The following CSMD1 variants were observed in gnomAD, a reference collection of about 807,000 sequenced individuals.
CSMD1 encodes CUB and sushi domain-containing protein 1.
In CSMD1, 213 loss-of-function variants were observed where a neutral mutation model predicts 417.5. The ratio of observed to expected loss-of-function variants is 0.51; its 90% CI spans 0.46 to 0.57. The LOEUF is 0.57. CSMD1 is among the 20% of genes least tolerant of loss of function. The pLI, the probability that CSMD1 is intolerant of heterozygous loss-of-function variation, is 0.00. For missense variants in CSMD1, 6,923 were observed against 4,529.7 expected, an observed-to-expected ratio of 1.53 and a Z score of -15.17; for synonymous variants, 2,862 against 1,736.8, an observed-to-expected ratio of 1.65 and a Z score of -16.11.
At chr8:3,710,624 A>C (rs755064777) in intron 6 of CSMD1, among the ~76,000 whole-genome samples, 10 of 151,932 alleles carry the variant, frequency 6.6e-5, no homozygotes, top group Non-Finnish European at 1.2e-4. Context: ...GTATTCTGAC[A>C]CACCTGGAGA....
chr8:4,263,603 C>T (rs1004923669), intron 3 of CSMD1, among the ~76,000 whole-genome samples: 1 of 152,112 alleles, frequency 6.6e-6, no homozygotes, highest in Non-Finnish European at 1.5e-5. Flanking sequence ...TGACCTTCAA[C>T]AATCCAGGAA....
Position 4,160,294 on chromosome 8 carries a change from G to A in CSMD1, c.416-128195C>T, listed in dbSNP as rs536003928. 6.9e-4 allele frequency among the ~76,000 whole-genome samples: 105 copies of A among 152,102 alleles called. 1 individual carries two copies. The highest frequency in any genetic ancestry group is 2.4e-3 in the African/African-American group (100 of 41,454). On this transcript the variant is annotated intron_variant, in intron 3 of 69. Transcript: ENST00000635120. ...TGATTCTTGGAAAGTACTGAATTTA[G>A]GAAACTCTCCAGCAACAAGCATAAA... is the stretch of plus-strand genomic sequence containing the variant.
chr8:3,897,707 C>A (rs1025162646), intron 5 of CSMD1, among the ~76,000 whole-genome samples: 2 of 152,130 alleles, frequency 1.3e-5, no homozygotes, highest in Non-Finnish European at 2.9e-5. Context: ...CCCATAATCC[C>A]GTGAGGAAGC....
At chr8:3,960,780 G>C (rs549050134) in intron 5 of CSMD1, among the ~76,000 whole-genome samples, 1 of 151,684 alleles carries the variant, frequency 6.6e-6, no homozygotes, top group Non-Finnish European at 1.5e-5. Flanking sequence ...AAAAACATAT[G>C]TAGAAACTGG....
intron 6 of CSMD1, among the ~76,000 whole-genome samples, chr8:3,735,891 A>G (rs12716597): frequency 0.62 from 94,020 of 152,030 alleles, 30,697 homozygotes; most frequent in Non-Finnish European, 0.72. Context: ...ACATAGAGTT[A>G]TAAATAAAAC....
chr8:4,418,973 C>T (rs1263378621), intron 3 of CSMD1, among the ~76,000 whole-genome samples: 9 of 152,138 alleles, frequency 5.9e-5, no homozygotes, highest in Non-Finnish European at 1.0e-4. Context: ...CAAAGAGAAC[C>T]TTCTACACTG....
intron 1 of CSMD1, among the ~76,000 whole-genome samples, chr8:4,863,209 C>G (rs1802236403): frequency 6.6e-6 from 1 of 152,074 alleles, no homozygotes; most frequent in Non-Finnish European, 1.5e-5. Flanking sequence ...TTTTACTATT[C>G]ATCTCCAAAA....
At position 3,096,950 on chromosome 8, in the gene CSMD1, G is replaced by C. The variant is rs1184075199; in HGVS notation, c.7037C>G (p.Thr2346Ser). 1 of 1,554,586 alleles carries C rather than the reference G, an allele frequency of 6.4e-7. No homozygotes were observed. Among genetic ancestry groups the C allele is most frequent in the Non-Finnish European group, 8.7e-7 (1 of 1,147,650 alleles). ...TTCCACTTTAATACTCCAAGAGCAAGTCTGGGAGTTAAAATAATTACCCGG... is the reference window on the plus strand; with the variant it reads ...TTCCACTTTAATACTCCAAGAGCAACTCTGGGAGTTAAAATAATTACCCGG... ...GYPGNYFNSQ[T>S]CSWSIKVEPN... Residue 2346 changes from threonine to serine, a missense_variant, in exon 47 of 70, where the codon ACT becomes AGT. By Grantham distance (58) the Thr-to-Ser change is moderately conservative. Coordinates refer to ENST00000635120, the MANE Select transcript of CSMD1 (RefSeq NM_033225.6).
At chr8:3,680,222 C>A (rs993127529) in intron 7 of CSMD1, among the ~76,000 whole-genome samples, 1 of 152,014 alleles carries the variant, frequency 6.6e-6, no homozygotes, top group Non-Finnish European at 1.5e-5. Flanking sequence ...ACAAAAAAAC[C>A]CTTCAAAAAA....
intron 7 of CSMD1, among the ~76,000 whole-genome samples, chr8:3,699,790 G>A (rs921193339): frequency 1.3e-5 from 2 of 152,056 alleles, no homozygotes; most frequent in Non-Finnish European, 2.9e-5. Flanking sequence ...GTGAAGATGT[G>A]AAATATAAAA....
rs532022874 is a variant in CSMD1 at position 3,522,493 on chromosome 8, A to G, written c.1345-28767T>C. 5.3e-5 allele frequency among the ~76,000 whole-genome samples: 8 copies of G among 152,334 alleles called. No individual in the cohort carries two copies. In the East Asian group the frequency reaches 1.5e-3, roughly 29 times the overall value. On this transcript the variant is annotated intron_variant, in intron 10 of 69. Coordinates refer to ENST00000635120, the MANE Select transcript of CSMD1 (RefSeq NM_033225.6). ...TTTAGATGGCATAACAATTTACAAA[A>G]TATTTTGTGAGTTTTGTTTACTGGA...
At chr8:4,128,763 C>A (rs148429932) in intron 3 of CSMD1, among the ~76,000 whole-genome samples, 1 of 152,048 alleles carries the variant, frequency 6.6e-6, no homozygotes, top group East Asian at 1.9e-4. Context: ...AGCCTCACAC[C>A]CACACACCAT....
chr8:3,618,136 G>C (rs777817880), intron 7 of CSMD1, among the ~76,000 whole-genome samples: 20 of 151,908 alleles, frequency 1.3e-4, no homozygotes, highest in Non-Finnish European at 2.4e-4. Flanking sequence ...CTAATAGCTG[G>C]TAACACAGGC....
intron 41 of CSMD1, among the ~76,000 whole-genome samples, chr8:3,129,716 G>T (rs546944806): frequency 1.2e-3 from 175 of 151,408 alleles, no homozygotes; most frequent in African/African-American, 4.0e-3. Context: ...GGGCCGGGCG[G>T]GGTGGCTCAT....
At chr8:2,981,423 G>A (rs656466) in intron 54 of CSMD1, among the ~76,000 whole-genome samples, 39 of 152,012 alleles carry the variant, frequency 2.6e-4, no homozygotes, top group Non-Finnish European at 5.1e-4. Flanking sequence ...CACCTGCAGC[G>A]ACTCCAGACC....
intron 4 of CSMD1, among the ~76,000 whole-genome samples, chr8:4,003,435 T>A (rs996433390): frequency 6.6e-6 from 1 of 150,736 alleles, no homozygotes; most frequent in Non-Finnish European, 1.5e-5. Context: ...AATAAATAAA[T>A]AAATAGATAA....
intron 1 of CSMD1, among the ~76,000 whole-genome samples, chr8:4,657,296 T>C (rs748750185): frequency 1.3e-5 from 2 of 152,158 alleles, no homozygotes; most frequent in Middle Eastern, 3.2e-3. Flanking sequence ...TGGCGAAGTG[T>C]TGAAGGAGGG....
intron 2 of CSMD1, among the ~76,000 whole-genome samples, chr8:4,613,472 T>C (rs1264333910): frequency 1.3e-5 from 2 of 152,162 alleles, no homozygotes; most frequent in African/African-American, 2.4e-5. Flanking sequence ...CTGTTCACCA[T>C]GGCCTGGAAG....
Position 3,351,658 on chromosome 8 carries a change from G to C in CSMD1, c.3305-3497C>G, listed in dbSNP as rs1291227990. 5.4e-5 allele frequency among the ~76,000 whole-genome samples: 8 copies of C among 147,260 alleles called. No homozygotes were observed. In the South Asian group the frequency reaches 6.4e-4, roughly 12 times the overall value. Reference sequence around the variant, plus strand: ...GTATACAAACTTGGCTTGTTAACTAGAAAAATTATTTTAATACATATACAT... The same window carrying C: ...GTATACAAACTTGGCTTGTTAACTACAAAAATTATTTTAATACATATACAT... On this transcript the variant is annotated intron_variant, in intron 21 of 69. Coordinates refer to ENST00000635120, the MANE Select transcript of CSMD1 (RefSeq NM_033225.6).
Sources: allele counts gnomAD v4.1 joint callset (sites outside exome capture counted in the v4.1 genomes callset), GRCh38; gene constraint gnomAD v4.1.1; transcripts MANE v1.5; gene names NCBI Gene and HGNC (gene_info 2026-07-23, HGNC 2026-07-21).